The following MITF variants were observed in gnomAD, a reference collection of about 807,000 sequenced individuals.
MITF encodes microphthalmia-associated transcription factor.
In MITF, 17 loss-of-function variants were observed where a neutral mutation model predicts 60.5. The observed-to-expected ratio is 0.28, with a 90% CI of 0.19 to 0.42. MITF has a LOEUF of 0.42. Among genes scored for constraint, MITF ranks in the 10% least tolerant of loss-of-function variants. MITF has a pLI of 1.00. For missense variants in MITF, 622 were observed against 683.5 expected (o/e 0.91, Z 1.00); for synonymous variants, 260 against 248.5 (o/e 1.05, Z -0.43).
At chr3:69,879,425 C>A (rs754366083) in intron 2 of MITF, 42 bp downstream of exon 2, 1 of 1,613,558 alleles carries the variant, frequency 6.2e-7, no homozygotes, top group Admixed American at 1.7e-5. Context: ...AAACTCTCTT[C>A]CATTTTCCAT....
At chr3:69,941,158 A>AT (rs2065959447) in intron 4 of MITF, 78 bp from the exon 5 acceptor site, 3 of 926,088 alleles carry the variant, frequency 3.2e-6, no homozygotes, top group Non-Finnish European at 5.2e-6. Flanking sequence ...GGGTAAAAAA[A>AT]GACCATGAGT....
chr3:69,957,258 A>G (rs760042712), intron 8 of MITF, among the ~76,000 whole-genome samples: 14 of 152,194 alleles, frequency 9.2e-5, no homozygotes, highest in Non-Finnish European at 1.5e-5. Flanking sequence ...ATTTGAAGCA[A>G]GGGGCTAGAA....
intron 1 of MITF, among the ~76,000 whole-genome samples, chr3:69,819,584 A>G (rs1303334077): frequency 6.6e-6 from 1 of 152,042 alleles, no homozygotes; most frequent in African/African-American, 2.4e-5. Flanking sequence ...TGCCATTGCA[A>G]CTAGAACTTT....
At chr3:69,945,140 A>T (rs901681117) in intron 5 of MITF, among the ~76,000 whole-genome samples, 20 of 152,198 alleles carry the variant, frequency 1.3e-4, no homozygotes, top group African/African-American at 4.6e-4. Context: ...AACAGTGCTC[A>T]ATTGATATTC....
chr3:69,887,686 T>C (rs2064654715), intron 2 of MITF, among the ~76,000 whole-genome samples: 1 of 152,072 alleles, frequency 6.6e-6, no homozygotes, highest in African/African-American at 2.4e-5. Context: ...TTACTCTTTT[T>C]AAAAATAGGG....
chr3:69,862,041 ATAT>A (rs1388014919), intron 1 of MITF, among the ~76,000 whole-genome samples: 1 of 151,066 alleles, frequency 6.6e-6, no homozygotes, highest in Non-Finnish European at 1.5e-5. Context: ...TACATAGATA[ATAT>A]TATATATAGC....
intron 2 of MITF, among the ~76,000 whole-genome samples, chr3:69,910,491 G>A (rs1475413454): frequency 1.3e-5 from 2 of 152,162 alleles, no homozygotes; most frequent in African/African-American, 4.8e-5. Context: ...AGCGTGAAGT[G>A]TGAGCTTGGA....
At chr3:69,931,408 CT>C (rs1033158907) in intron 2 of MITF, among the ~76,000 whole-genome samples, 1 of 151,852 alleles carries the variant, frequency 6.6e-6, no homozygotes, top group Non-Finnish European at 1.5e-5. Context: ...ATGATAACAC[CT>C]TTTTTCTGAG....
At chr3:69,788,271 G>T (rs1575713273) in intron 1 of MITF, among the ~76,000 whole-genome samples, 1 of 146,010 alleles carries the variant, frequency 6.8e-6, no homozygotes, top group East Asian at 2.1e-4. Context: ...ATCTCCTGAT[G>T]CTATCCCTCC....
chr3:69,829,714 G>T (rs902283855), intron 1 of MITF, among the ~76,000 whole-genome samples: 2 of 152,140 alleles, frequency 1.3e-5, no homozygotes, highest in Non-Finnish European at 1.5e-5. Context: ...TCAGGTGATA[G>T]ATTGTTTCCA....
intron 1 of MITF, among the ~76,000 whole-genome samples, chr3:69,850,333 G>A (rs1439145423): frequency 6.6e-6 from 1 of 152,096 alleles, no homozygotes; most frequent in African/African-American, 2.4e-5. Flanking sequence ...CAAACCGTTT[G>A]GCAAGTGATA....
At chr3:69,808,108 A>G (rs532918982) in intron 1 of MITF, among the ~76,000 whole-genome samples, 1 of 148,120 alleles carries the variant, frequency 6.8e-6, no homozygotes, top group South Asian at 2.1e-4. Flanking sequence ...ATAAAAATAT[A>G]GATAGTATAA....
intron 1 of MITF, among the ~76,000 whole-genome samples, chr3:69,851,051 A>C (rs1449409781): frequency 6.6e-6 from 1 of 152,146 alleles, no homozygotes; most frequent in Non-Finnish European, 1.5e-5. Context: ...TTACACATAG[A>C]TCAAGACATA....
At chr3:69,884,565 G>A (rs77137186) in intron 2 of MITF, among the ~76,000 whole-genome samples, 3,882 of 152,206 alleles carry the variant, frequency 0.026, 152 homozygotes, top group African/African-American at 0.086. Flanking sequence ...ACGGCACTGA[G>A]TGGCAGCCCC....
chr3:69,830,886 T>G (rs1409454736), intron 1 of MITF, among the ~76,000 whole-genome samples: 1 of 152,236 alleles, frequency 6.6e-6, no homozygotes, highest in Non-Finnish European at 1.5e-5. Flanking sequence ...TATTTTCTTT[T>G]CAGATTACAA....
intron 1 of MITF, among the ~76,000 whole-genome samples, chr3:69,786,573 G>A (rs1478234460): frequency 6.6e-6 from 1 of 152,098 alleles, no homozygotes; most frequent in Non-Finnish European, 1.5e-5. Context: ...ACTGCTCTCA[G>A]GAGACATATC....
chr3:69,938,537 A>G (rs2065897560), intron 3 of MITF: 1 of 1,432,708 alleles, frequency 7.0e-7, no homozygotes, highest in Non-Finnish European at 9.1e-7. Flanking sequence ...TTTGAATCAT[A>G]TAGCACATGA....
intron 7 of MITF, 63 bp downstream of exon 7, chr3:69,951,949 T>C: frequency 1.6e-6 from 2 of 1,261,340 alleles, no homozygotes; most frequent in East Asian, 2.4e-5. Context: ...ATCAAAAATG[T>C]TTCCAGAAAT....
intron 1 of MITF, among the ~76,000 whole-genome samples, chr3:69,859,016 G>A (rs2063966633): frequency 6.6e-6 from 1 of 152,152 alleles, no homozygotes; most frequent in Admixed American, 6.5e-5. Context: ...GAAATAGGTA[G>A]TATTAATATT....
Sources: allele counts gnomAD v4.1 joint callset (sites outside exome capture counted in the v4.1 genomes callset), GRCh38; gene constraint gnomAD v4.1.1; transcripts MANE v1.5; gene names NCBI Gene and HGNC (gene_info 2026-07-23, HGNC 2026-07-21).